MAML3: variants seen among roughly 807,000 people sequenced by gnomAD.
The protein encoded by MAML3 is mastermind like transcriptional coactivator 3.
A neutral mutation model predicts 101.9 loss-of-function variants in MAML3; 27 were observed. The ratio of observed to expected loss-of-function variants is 0.27; its 90% CI spans 0.20 to 0.37. The LOEUF is 0.37. MAML3 is among the 10% of genes least tolerant of loss of function. The probability of loss-of-function intolerance (pLI) is 1.00; values close to 1 mark genes in which losing one functional copy is unlikely to be tolerated. For missense variants in MAML3, 1,316 were observed against 1,444.9 expected (o/e 0.91, Z 1.45); for synonymous variants, 501 against 555.9 (o/e 0.90, Z 1.39).
At chr4:139,807,891 A>T (rs77859431) in intron 2 of MAML3, among the ~76,000 whole-genome samples, 1 of 152,352 alleles carries the variant, frequency 6.6e-6, no homozygotes, top group South Asian at 2.1e-4. Context: ...ATATTTTCTT[A>T]TCAAACAAAA....
chr4:139,991,005 C>T (rs989878337), intron 1 of MAML3, among the ~76,000 whole-genome samples: 22 of 152,220 alleles, frequency 1.4e-4, no homozygotes, highest in South Asian at 6.2e-4. Flanking sequence ...CAATGCCATC[C>T]CCATCAAGCT....
chr4:139,786,219 C>T (rs1730301555), intron 2 of MAML3, among the ~76,000 whole-genome samples: 1 of 151,990 alleles, frequency 6.6e-6, no homozygotes. Flanking sequence ...GCCTTCCAGC[C>T]TCCAGAGCTG....
intron 2 of MAML3, among the ~76,000 whole-genome samples, chr4:139,768,225 T>A (rs1729904065): frequency 4.4e-5 from 4 of 90,946 alleles, no homozygotes; most frequent in African/African-American, 2.4e-4. Flanking sequence ...TTGATAGTTG[T>A]GTGTGTGTGT....
intron 2 of MAML3, among the ~76,000 whole-genome samples, chr4:139,769,029 T>C (rs1729922470): frequency 2.0e-5 from 3 of 152,218 alleles, no homozygotes; most frequent in Admixed American, 2.0e-4. Context: ...ACTGCTTTGG[T>C]AACAACAAGG....
At chr4:140,002,581 G>A (rs1734943840) in intron 1 of MAML3, among the ~76,000 whole-genome samples, 1 of 152,094 alleles carries the variant, frequency 6.6e-6, no homozygotes, top group Non-Finnish European at 1.5e-5. Flanking sequence ...CATACTATAG[G>A]TTCTAAATAC....
rs1412849206 is a variant in MAML3, at chr4:139,735,073, G to A, written c.2080-4406C>T. ...AATCAGGGCTCCCGCCCGCCCCTCCGCGGCCCCCGCCCCGCGCGTCTGGGC... is the reference window on the plus strand; with the variant it reads ...AATCAGGGCTCCCGCCCGCCCCTCCACGGCCCCCGCCCCGCGCGTCTGGGC... On this transcript the variant is annotated intron_variant, in intron 2 of 4. Transcript: ENST00000509479. The surrounding 1 kb of genome is among the most constrained non-coding windows in gnomAD (Gnocchi z 5.8). Among the ~76,000 whole-genome samples the A allele has an allele frequency of 6.6e-6, 1 of 152,136 alleles. No individual in the cohort carries two copies. Among genetic ancestry groups the A allele is most frequent in the Non-Finnish European group, 1.5e-5 (1 of 68,008 alleles).
intron 2 of MAML3, among the ~76,000 whole-genome samples, chr4:139,786,741 G>A (rs1056032441): frequency 2.0e-5 from 3 of 152,200 alleles, no homozygotes; most frequent in African/African-American, 7.2e-5. Context: ...TGGCTCAGTA[G>A]TTACTTATAT....
At chr4:140,126,741 A>G (rs9762376) in intron 1 of MAML3, among the ~76,000 whole-genome samples, 7,570 of 152,184 alleles carry the variant, frequency 0.05, 648 homozygotes, top group African/African-American at 0.17. Context: ...TTCAGAATGG[A>G]CCATAAATAC....
At chr4:139,882,961 A>T (rs1292130584) in intron 2 of MAML3, among the ~76,000 whole-genome samples, 1 of 152,266 alleles carries the variant, frequency 6.6e-6, no homozygotes, top group East Asian at 1.9e-4. Flanking sequence ...AATTGGTTCC[A>T]TAGGAACAAT....
intron 2 of MAML3, among the ~76,000 whole-genome samples, chr4:139,786,430 G>C (rs1021409711): frequency 6.6e-6 from 1 of 152,172 alleles, no homozygotes; most frequent in African/African-American, 2.4e-5. Flanking sequence ...CTTATGAAGA[G>C]TGGCCAGTAA....
At position 139,730,620 on chromosome 4, in the gene MAML3, G is replaced by A. The variant is rs372122289; in HGVS notation, c.2127C>T (p.Ser709=). ...GLPRTTGPMQ[S]SVPPGSGGMV... is the part of the protein sequence containing the mutation. ...TGCCACCTGAGCCTGGGGGCACGGA[G>A]GACTGCATGGGGCCTGTGGTTCGGG... The change falls in exon 3 of 5, where the codon TCC becomes TCT. Residue 709 remains serine, a synonymous_variant. Coordinates refer to ENST00000509479, the MANE Select transcript of MAML3 (RefSeq NM_018717.5). 327 of 1,613,018 alleles carry A rather than the reference G, an allele frequency of 2.0e-4. No individual in the cohort carries two copies. Among genetic ancestry groups the A allele is most frequent in the Non-Finnish European group, 2.7e-4 (318 of 1,179,658 alleles).
intron 2 of MAML3, among the ~76,000 whole-genome samples, chr4:139,820,958 G>T (rs1730962375): frequency 1.3e-5 from 2 of 152,152 alleles, no homozygotes; most frequent in Admixed American, 1.3e-4. Context: ...TCCACATACT[G>T]CTAAATTGTT....
chr4:140,026,211 T>C (rs1726820802), intron 1 of MAML3, among the ~76,000 whole-genome samples: 1 of 152,204 alleles, frequency 6.6e-6, no homozygotes, highest in Non-Finnish European at 1.5e-5. Flanking sequence ...TGTGTGTGTC[T>C]GTGTGCATAT....
chr4:139,865,842 C>A (rs1442553587), intron 2 of MAML3, among the ~76,000 whole-genome samples: 1 of 152,252 alleles, frequency 6.6e-6, no homozygotes, highest in African/African-American at 2.4e-5. Flanking sequence ...AAGGCAAGAG[C>A]CTGTGTTCCC....
intron 1 of MAML3, among the ~76,000 whole-genome samples, chr4:139,946,259 A>G (rs1346147143): frequency 2.0e-5 from 3 of 152,232 alleles, no homozygotes; most frequent in Admixed American, 2.0e-4. Flanking sequence ...CAGTTTCATA[A>G]TAGCCGTTTT....
intron 1 of MAML3, among the ~76,000 whole-genome samples, chr4:139,926,909 T>C (rs1163619037): frequency 6.6e-6 from 1 of 152,218 alleles, no homozygotes. Flanking sequence ...ATATTGCATT[T>C]AGTTGTTACT....
At chr4:139,883,548 G>A (rs1369259125) in intron 2 of MAML3, among the ~76,000 whole-genome samples, 2 of 152,158 alleles carry the variant, frequency 1.3e-5, no homozygotes, top group Admixed American at 1.3e-4. Flanking sequence ...GAAAGAGAGA[G>A]ACTGTGTGTG....
At chr4:140,117,439 T>C (rs191537202) in intron 1 of MAML3, among the ~76,000 whole-genome samples, 49 of 152,236 alleles carry the variant, frequency 3.2e-4, no homozygotes, top group Non-Finnish European at 5.7e-4. Flanking sequence ...TATATAACTT[T>C]AAAAGTATGA....
chr4:139,748,295 T>C (rs1464565036), intron 2 of MAML3, among the ~76,000 whole-genome samples: 1 of 152,122 alleles, frequency 6.6e-6, no homozygotes, highest in Admixed American at 6.5e-5. Flanking sequence ...TTTCTAGGGC[T>C]GGTCACCAAG....
Sources: allele counts gnomAD v4.1 joint callset (sites outside exome capture counted in the v4.1 genomes callset), GRCh38; gene constraint gnomAD v4.1.1; non-coding constraint Gnocchi (gnomAD v3.1); transcripts MANE v1.5; gene names NCBI Gene and HGNC (gene_info 2026-07-23, HGNC 2026-07-21).